PRDM16: variants seen among roughly 807,000 people sequenced by gnomAD.
The protein encoded by PRDM16 is PR/SET domain 16, also known as histone-lysine N-methyltransferase PRDM16.
In PRDM16, 23 loss-of-function variants were observed where a neutral mutation model predicts 110.6. The observed-to-expected ratio is 0.21, with a 90% confidence interval of 0.15 to 0.29. The LOEUF (loss-of-function observed/expected upper bound fraction) is 0.29. Ranked by LOEUF, PRDM16 falls within the 10% of genes least tolerant of loss-of-function variation. The pLI is 1.00. For synonymous variants in PRDM16, 799 were observed against 781.8 expected, an observed-to-expected ratio of 1.02 and a Z score of -0.37; for missense variants, 1,615 against 1,794.3, an observed-to-expected ratio of 0.90 and a Z score of 1.81.
intron 3 of PRDM16, among the ~76,000 whole-genome samples, chr1:3,257,782 A>C (rs1444593676): frequency 2.6e-5 from 4 of 152,170 alleles, no homozygotes; most frequent in African/African-American, 9.7e-5. Flanking sequence ...GATACAACCA[A>C]CCACACATCG....
At chr1:3,074,047 G>A (rs1410950634) in intron 1 of PRDM16, among the ~76,000 whole-genome samples, 1 of 152,198 alleles carries the variant, frequency 6.6e-6, no homozygotes, top group South Asian at 2.1e-4. Flanking sequence ...GGAAGACGGT[G>A]CAGAGAAACG....
At chr1:3,172,041 C>T (rs935271258) in intron 1 of PRDM16, among the ~76,000 whole-genome samples, 1 of 152,198 alleles carries the variant, frequency 6.6e-6, no homozygotes, top group African/African-American at 2.4e-5. Flanking sequence ...AACGGCTCCA[C>T]GATGTCCTTA....
intron 3 of PRDM16, among the ~76,000 whole-genome samples, chr1:3,375,051 G>C (rs1379119929): frequency 6.6e-6 from 1 of 152,218 alleles, no homozygotes; most frequent in Admixed American, 6.5e-5. Flanking sequence ...CCTGCATGTA[G>C]CCACAGCCTC....
At chr1:3,272,028 C>T (rs1461734299) in intron 3 of PRDM16, among the ~76,000 whole-genome samples, 1 of 152,214 alleles carries the variant, frequency 6.6e-6, no homozygotes, top group Non-Finnish European at 1.5e-5. Context: ...CAGGGGCTGC[C>T]TGGGTTGGGA....
intron 2 of PRDM16, among the ~76,000 whole-genome samples, chr1:3,229,916 A>G (rs1460861247): frequency 1.3e-5 from 2 of 152,156 alleles, no homozygotes; most frequent in African/African-American, 4.8e-5. Context: ...GACTTGTTAG[A>G]AAGCAAGGAA....
At position 3,157,742 on chromosome 1, in the gene PRDM16, C is replaced by T. The variant is rs2651902; in HGVS notation, c.38-28383C>T. Among the ~76,000 whole-genome samples the T allele has an allele frequency of 0.17, 26,232 of 152,000 alleles. 2,363 individuals are homozygous for T. The highest frequency in any genetic ancestry group is 0.23 in the South Asian group (1,089 of 4,820). ...ACAGGAGGCTGTGTTTGGCCACTAG[C>T]GGAGATGGCCCCAGAGACAACACCC... On this transcript the variant is annotated intron_variant, in intron 1 of 16. Coordinates refer to ENST00000270722, the MANE Select transcript of PRDM16 (RefSeq NM_022114.4). The surrounding 1 kb of genome is among the most constrained non-coding windows in gnomAD (Gnocchi z 4.8).
At chr1:3,151,515 T>A (rs1194559643) in intron 1 of PRDM16, among the ~76,000 whole-genome samples, 2 of 152,094 alleles carry the variant, frequency 1.3e-5, no homozygotes, top group Non-Finnish European at 2.9e-5. Flanking sequence ...TCCCAGAGGG[T>A]GTGTTCTGAT....
chr1:3,176,062 A>ATCCATCCAT (rs1644082618), intron 1 of PRDM16, among the ~76,000 whole-genome samples: 1 of 23,788 alleles, frequency 4.2e-5, no homozygotes, highest in Non-Finnish European at 9.9e-5. Flanking sequence ...CATCCATCCA[A>ATCCATCCAT]CCATCCATCC....
Position 3,297,280 on chromosome 1 carries a change from ATTTTTTTTT to A in PRDM16, c.438+53158_438+53166del, listed in dbSNP as rs34666813. On this transcript the variant is annotated intron_variant, in intron 3 of 16. Coordinates refer to ENST00000270722, the MANE Select transcript of PRDM16 (RefSeq NM_022114.4). ...TCCAGGTCAACGTCTGGTGAGAGGA[ATTTTTTTTT>A]TTTTTTTTTTTTTTGACAGAATCTC... is the stretch of plus-strand genomic sequence containing the variant. Among the ~76,000 whole-genome samples the A allele has an allele frequency of 6.8e-3, 817 of 120,970 alleles. 6 individuals carry two copies. Among genetic ancestry groups the A allele is most frequent in the African/African-American group, 0.024 (775 of 31,644 alleles). The allele number at this position is 120,970 out of a possible 152,430, so 79.4% of individuals were successfully genotyped here. A position where few individuals can be genotyped will look rare whatever the true frequency, so the allele number is the denominator to read the frequency against.
intron 2 of PRDM16, among the ~76,000 whole-genome samples, chr1:3,227,951 C>T (rs1377988029): frequency 6.6e-6 from 1 of 152,258 alleles, no homozygotes; most frequent in Non-Finnish European, 1.5e-5. Flanking sequence ...TTTGCTCTTC[C>T]TCCAAGTCTC....
rs1481525222 is a variant in PRDM16 at position 3,245,895 on chromosome 1, C to T, written c.438+1758C>T. ...AATCACTGGGTTTTCCACCCCGATG[C>T]GTCCCTGGACCGTCTGACATTTTCA... On this transcript the variant is annotated intron_variant, in intron 3 of 16. Transcript: ENST00000270722. The surrounding 1 kb of genome is among the most constrained non-coding windows in gnomAD (Gnocchi z 4.7). Among the ~76,000 whole-genome samples the T allele has an allele frequency of 1.3e-5, 2 of 152,152 alleles. No individual in the cohort carries two copies. Among genetic ancestry groups the T allele is most frequent in the Admixed American group, 6.5e-5 (1 of 15,282 alleles).
At chr1:3,400,960 CT>C (rs2100638411) in intron 5 of PRDM16, among the ~76,000 whole-genome samples, 1 of 152,262 alleles carries the variant, frequency 6.6e-6, no homozygotes, top group South Asian at 2.1e-4. Flanking sequence ...GCATCTGTAC[CT>C]TGGTTGGCAA....
chr1:3,238,620 CG>C (rs1213091514), intron 2 of PRDM16, among the ~76,000 whole-genome samples: 3 of 152,212 alleles, frequency 2.0e-5, no homozygotes, highest in Admixed American at 2.0e-4. Context: ...GGGCGGCCGG[CG>C]ACTAACCGCC....
rs975042937 is a variant in PRDM16, at chr1:3,069,377, CG to C, written c.37+85del. 4.0e-6 allele frequency: 2 copies of C among 503,094 alleles called. No homozygotes were observed. Among genetic ancestry groups the C allele is most frequent in the African/African-American group, 4.3e-5 (2 of 46,478 alleles). The allele number at this position is 503,094 out of a possible 1,614,324, so 31.2% of individuals were successfully genotyped here. A position where few individuals can be genotyped will look rare whatever the true frequency, so the allele number is the denominator to read the frequency against. The stretch of plus-strand genomic sequence containing the variant: ...GGGCGCCCGGGCCAGGGGTGCGCGT[CG>C]GGGCGCGGCCGGCGCGCCTGCGGCT... On this transcript the variant is annotated intron_variant, in intron 1 of 16. Coordinates refer to ENST00000270722, the MANE Select transcript of PRDM16 (RefSeq NM_022114.4). The surrounding 1 kb of genome is among the most constrained non-coding windows in gnomAD (Gnocchi z 6.1).
Position 3,382,502 on chromosome 1 carries a change from G to A in PRDM16, c.439-2650G>A, listed in dbSNP as rs1223925462. Among the ~76,000 whole-genome samples, 2 of 152,216 alleles carry A rather than the reference G, an allele frequency of 1.3e-5. No individual in the cohort carries two copies. Among genetic ancestry groups the A allele is most frequent in the Admixed American group, 6.5e-5 (1 of 15,290 alleles). ...GGTAACACAGAGGCTGTCTCCCTGG[G>A]AACCTGCCCTGAGTCCTGAACAGCA... On this transcript the variant is annotated intron_variant, in intron 3 of 16. Transcript: ENST00000270722. The surrounding 1 kb of genome is among the most constrained non-coding windows in gnomAD (Gnocchi z 6.6).
At chr1:3,314,747 C>G (rs908571189) in intron 3 of PRDM16, among the ~76,000 whole-genome samples, 3 of 152,176 alleles carry the variant, frequency 2.0e-5, no homozygotes, top group Non-Finnish European at 1.5e-5. Flanking sequence ...TCTTCTAGTT[C>G]GGGTTCAGTT....
rs1196675616 is a variant in PRDM16, at chr1:3,213,023, G to C, written c.387+26549G>C. 6.6e-6 allele frequency among the ~76,000 whole-genome samples: 1 copy of C among 152,224 alleles called. No individual in the cohort carries two copies. The highest frequency in any genetic ancestry group is 1.5e-5 in the Non-Finnish European group (1 of 68,038). On this transcript the variant is annotated intron_variant, in intron 2 of 16. Transcript: ENST00000270722. The surrounding 1 kb of genome is among the most constrained non-coding windows in gnomAD (Gnocchi z 5.3). The stretch of plus-strand genomic sequence containing the variant: ...TGGGACCTTTGTGGCCACGAAACAG[G>C]TCTCACCCAGAAAGGAAAGCGGGGT...
At chr1:3,414,734 G>A in intron 10 of PRDM16, 87 bp downstream of exon 10, 1 of 1,031,974 alleles carries the variant, frequency 9.7e-7, no homozygotes, top group Non-Finnish European at 1.5e-6. Context: ...TGGCCAGGCT[G>A]GAGCCTAAGT....
rs1350828676 is a variant in PRDM16, at chr1:3,265,871, G to A, written c.438+21734G>A. Among the ~76,000 whole-genome samples the A allele has an allele frequency of 2.0e-5, 3 of 152,110 alleles. No homozygotes were observed. The highest frequency in any genetic ancestry group is 2.9e-5 in the Non-Finnish European group (2 of 68,024). ...CTTCGCTCTCTATGATCCCTTTACGGTCGTGCAGTGCTCCCCAGGGCTCCG... is the reference window on the plus strand; with the variant it reads ...CTTCGCTCTCTATGATCCCTTTACGATCGTGCAGTGCTCCCCAGGGCTCCG... On this transcript the variant is annotated intron_variant, in intron 3 of 16. Coordinates refer to ENST00000270722, the MANE Select transcript of PRDM16 (RefSeq NM_022114.4). This position sits in a 1 kb window ranked among gnomAD's most constrained non-coding sequence, Gnocchi z 4.5.
Sources: allele counts gnomAD v4.1 joint callset (sites outside exome capture counted in the v4.1 genomes callset), GRCh38; gene constraint gnomAD v4.1.1; non-coding constraint Gnocchi (gnomAD v3.1); transcripts MANE v1.5; gene names NCBI Gene and HGNC (gene_info 2026-07-23, HGNC 2026-07-21).